SNX24: variants seen among roughly 807,000 people sequenced by gnomAD.
The protein encoded by SNX24 is sorting nexin 24.
In SNX24, 22 loss-of-function variants were observed where a neutral mutation model predicts 28.7. That is an observed-to-expected ratio of 0.77 (90% CI 0.55 to 1.10). The LOEUF is 1.10. Ranked by LOEUF, SNX24 falls within the 50% of genes least tolerant of loss-of-function variation. SNX24 has a pLI of 0.00. For synonymous variants in SNX24, 69 were observed against 71.5 expected (o/e 0.96, Z 0.18); for missense variants, 221 against 201.1 (o/e 1.10, Z -0.60).
chr5:122,976,153 T>C (rs965255203), intron 3 of SNX24, among the ~76,000 whole-genome samples: 1 of 152,124 alleles, frequency 6.6e-6, no homozygotes, highest in Non-Finnish European at 1.5e-5. Flanking sequence ...CCAACACCTA[T>C]GGCTGATATA....
At chr5:122,888,685 C>CT (rs1030713474) in intron 1 of SNX24, among the ~76,000 whole-genome samples, 26 of 152,294 alleles carry the variant, frequency 1.7e-4, no homozygotes, top group African/African-American at 6.0e-4. Flanking sequence ...AGCCACAACT[C>CT]TAAGTGGCCA....
intron 1 of SNX24, among the ~76,000 whole-genome samples, chr5:122,877,396 A>C (rs1459871301): frequency 6.6e-6 from 1 of 152,204 alleles, no homozygotes; most frequent in East Asian, 1.9e-4. Context: ...AATGTTTCCA[A>C]AGAGGTTAAT....
chr5:122,976,277 G>T (rs1190822130), intron 3 of SNX24, among the ~76,000 whole-genome samples: 3 of 135,806 alleles, frequency 2.2e-5, no homozygotes, highest in Non-Finnish European at 4.6e-5. Flanking sequence ...GGGAAATCTT[G>T]TAATCACTCA....
chr5:122,932,607 C>T (rs941014723), intron 1 of SNX24, among the ~76,000 whole-genome samples: 67 of 152,272 alleles, frequency 4.4e-4, no homozygotes, highest in African/African-American at 1.5e-3. Context: ...CAGTGGCTCA[C>T]GCCTGTAATC....
At position 122,960,686 on chromosome 5, in the gene SNX24, G is replaced by A. The variant is rs1207482593; in HGVS notation, c.249+14527G>A. Among the ~76,000 whole-genome samples, 5 of 152,098 alleles carry A rather than the reference G, an allele frequency of 3.3e-5. No individual in the cohort carries two copies. The East Asian group carries it at 7.7e-4, about 23-fold the overall frequency. The stretch of plus-strand genomic sequence containing the variant: ...ATTGTAGAGAAGCCGTAATTCAGCT[G>A]AGAGCAACAGATTAAACTCAACTGA... On this transcript the variant is annotated intron_variant, in intron 3 of 6. Coordinates refer to ENST00000261369, the MANE Select transcript of SNX24 (RefSeq NM_014035.4).
At chr5:122,845,745 C>A in intron 1 of SNX24, 52 bp downstream of exon 1, 2 of 1,178,754 alleles carry the variant, frequency 1.7e-6, no homozygotes, top group Non-Finnish European at 2.2e-6. Flanking sequence ...CCTGCGGCTG[C>A]TGCGCCCAGG....
At chr5:122,910,770 C>T (rs1179453638) in intron 1 of SNX24, among the ~76,000 whole-genome samples, 2 of 151,906 alleles carry the variant, frequency 1.3e-5, no homozygotes, top group Non-Finnish European at 2.9e-5. Flanking sequence ...TTTCCAATTT[C>T]ATCCATGTCC....
Position 122,935,359 on chromosome 5 carries a change from T to G in SNX24, c.61-1375T>G, listed in dbSNP as rs572743935. Among the ~76,000 whole-genome samples the G allele has an allele frequency of 1.9e-4, 29 of 152,230 alleles. No homozygotes were observed. In the East Asian group the frequency reaches 5.4e-3, roughly 28 times the overall value. On this transcript the variant is annotated intron_variant, in intron 1 of 6. Coordinates refer to ENST00000261369, the MANE Select transcript of SNX24 (RefSeq NM_014035.4). ...AGAATAATTTTCTCTGGTGAATTAATAAACAGATTTTTTTTTTCCTAAAAA... is the reference window on the plus strand; with the variant it reads ...AGAATAATTTTCTCTGGTGAATTAAGAAACAGATTTTTTTTTTCCTAAAAA...
rs1221281101 is a variant in SNX24 at position 122,879,369 on chromosome 5, A to G, written c.60+33676A>G. On this transcript the variant is annotated intron_variant, in intron 1 of 6. Transcript: ENST00000261369. Reference sequence around the variant, plus strand: ...TCCTGTTTCAGGAGCTGAAATCGCAAACTTTAGCCCCTGTCGAGAATACAG... The same window carrying G: ...TCCTGTTTCAGGAGCTGAAATCGCAGACTTTAGCCCCTGTCGAGAATACAG... 2.6e-5 allele frequency among the ~76,000 whole-genome samples: 4 copies of G among 152,334 alleles called. No individual in the cohort carries two copies. The South Asian group carries it at 6.2e-4, about 24-fold the overall frequency.
chr5:122,946,076 C>T lies in SNX24; in HGVS notation c.166C>T (p.Pro56Ser). 6.3e-7 allele frequency: 1 copy of T among 1,598,244 alleles called. No individual in the cohort carries two copies. ...ATAGCTTAAGAAATGTATAAAAACT[C>T]CAGAAATCCCTTCTAAACATGTTAG... ...HKKLKKCIKT[P>S]EIPSKHVRNW... Residue 56 changes from proline (P) to serine (S), a missense_variant, in exon 3 of 7, where the codon CCA becomes TCA. Transcript: ENST00000261369.
intron 3 of SNX24, among the ~76,000 whole-genome samples, chr5:122,993,353 C>T (rs1437838198): frequency 6.9e-6 from 1 of 144,052 alleles, no homozygotes; most frequent in African/African-American, 2.6e-5. Context: ...GGCTGGGGTG[C>T]AGTGGCGCGA....
chr5:122,887,813 C>G (rs184609085), intron 1 of SNX24, among the ~76,000 whole-genome samples: 2 of 152,190 alleles, frequency 1.3e-5, no homozygotes, highest in Non-Finnish European at 1.5e-5. Flanking sequence ...AGTGATTCTC[C>G]TGCTTCAGCC....
At chr5:122,947,507 C>T (rs1759741189) in intron 3 of SNX24, among the ~76,000 whole-genome samples, 1 of 152,160 alleles carries the variant, frequency 6.6e-6, no homozygotes, top group Non-Finnish European at 1.5e-5. Flanking sequence ...GCTCTCTTTA[C>T]TGTTTTTGCT....
chr5:122,890,441 C>G (rs922724916), intron 1 of SNX24, among the ~76,000 whole-genome samples: 2 of 148,838 alleles, frequency 1.3e-5, no homozygotes, highest in African/African-American at 4.9e-5. Context: ...CATTCCTTCT[C>G]TGTAAGGAAA....
chr5:123,025,672 G>T, intron 5 of SNX24: 1 of 1,114,026 alleles, frequency 9.0e-7, no homozygotes. Flanking sequence ...GAAGAGGCCA[G>T]TCAGCTATAT....
At chr5:122,845,930 G>A (rs1233749997) in intron 1 of SNX24, among the ~76,000 whole-genome samples, 3 of 151,714 alleles carry the variant, frequency 2.0e-5, no homozygotes, top group Non-Finnish European at 4.4e-5. Context: ...CTCTCCTCCC[G>A]GACGAGCTGC....
At chr5:123,018,881 T>G (rs1339492566) in intron 5 of SNX24, among the ~76,000 whole-genome samples, 1 of 152,142 alleles carries the variant, frequency 6.6e-6, no homozygotes, top group African/African-American at 2.4e-5. Context: ...GCAATGGGGT[T>G]TCACCATATT....
chr5:122,904,477 C>A (rs1294371155), intron 1 of SNX24, among the ~76,000 whole-genome samples: 1 of 152,120 alleles, frequency 6.6e-6, no homozygotes, highest in Admixed American at 6.5e-5. Context: ...GCCACCACTC[C>A]CGGCCTTTTT....
At chr5:122,905,059 T>A (rs191387859) in intron 1 of SNX24, among the ~76,000 whole-genome samples, 92 of 152,342 alleles carry the variant, frequency 6.0e-4, no homozygotes, top group Non-Finnish European at 1.1e-3. Flanking sequence ...GTCCTTAATG[T>A]CCTCAGTGAA....
Sources: allele counts gnomAD v4.1 joint callset (sites outside exome capture counted in the v4.1 genomes callset), GRCh38; gene constraint gnomAD v4.1.1; transcripts MANE v1.5; gene names NCBI Gene and HGNC (gene_info 2026-07-23, HGNC 2026-07-21).